The following UNC79 variants were observed in gnomAD, a reference collection of about 807,000 sequenced individuals.
The protein encoded by UNC79 is unc-79 subunit of NALCN channel complex.
A neutral mutation model predicts 283.1 loss-of-function variants in UNC79; 37 were observed. That is an observed-to-expected ratio of 0.13 (90% CI 0.10 to 0.17). The LOEUF (loss-of-function observed/expected upper bound fraction) is 0.17. UNC79 is among the 10% of genes least tolerant of loss of function. The pLI is 1.00. For missense variants in UNC79, 2,272 were observed against 3,211.1 expected (o/e 0.71, Z 7.07); for synonymous variants, 1,107 against 1,200.2 (o/e 0.92, Z 1.61).
At chr14:93,594,944 G>A (rs763885885) in intron 23 of UNC79, among the ~76,000 whole-genome samples, 9 of 151,960 alleles carry the variant, frequency 5.9e-5, no homozygotes, top group Non-Finnish European at 8.8e-5. Flanking sequence ...ACTTCAAAAC[G>A]TTCTTGCTTT....
At chr14:93,646,231 T>C (rs998003666) in intron 34 of UNC79, among the ~76,000 whole-genome samples, 2 of 152,218 alleles carry the variant, frequency 1.3e-5, no homozygotes, top group Non-Finnish European at 2.9e-5. Flanking sequence ...CACTTGTGGT[T>C]TGTTTATAGT....
At chr14:93,416,848 G>A (rs982836286) in intron 1 of UNC79, among the ~76,000 whole-genome samples, 6 of 152,098 alleles carry the variant, frequency 3.9e-5, no homozygotes, top group Admixed American at 3.9e-4. Context: ...TACAACCCCT[G>A]CCTTTTTTTG....
At chr14:93,584,591 T>A (rs750975618) in intron 20 of UNC79, among the ~76,000 whole-genome samples, 41 of 152,390 alleles carry the variant, frequency 2.7e-4, no homozygotes, top group Non-Finnish European at 5.4e-4. Context: ...ACTCTTTCTA[T>A]GCAAATATAT....
intron 7 of UNC79, among the ~76,000 whole-genome samples, chr14:93,522,955 G>A (rs976350905): frequency 2.0e-5 from 3 of 151,986 alleles, no homozygotes; most frequent in Admixed American, 6.6e-5. Flanking sequence ...AAATTAGCTC[G>A]GATCATTAAT....
At chr14:93,540,032 A>C (rs1185741924) in intron 12 of UNC79, among the ~76,000 whole-genome samples, 12 of 152,240 alleles carry the variant, frequency 7.9e-5, no homozygotes. Context: ...CAGATATCAA[A>C]TACCTTGGTT....
intron 1 of UNC79, among the ~76,000 whole-genome samples, chr14:93,359,860 T>C (rs1555399139): frequency 6.6e-6 from 1 of 152,226 alleles, no homozygotes; most frequent in Non-Finnish European, 1.5e-5. Context: ...CAATTTCTGC[T>C]GTTCATCTTT....
intron 1 of UNC79, among the ~76,000 whole-genome samples, chr14:93,433,862 A>G (rs1456030667): frequency 2.6e-5 from 4 of 152,168 alleles, no homozygotes; most frequent in Non-Finnish European, 2.9e-5. Flanking sequence ...AGATATGAAA[A>G]ATGATTTCTG....
exon 13 of UNC79, chr14:93,540,784 G>T (rs1236522049): frequency 6.2e-7 from 1 of 1,613,396 alleles, no homozygotes; most frequent in Non-Finnish European, 8.5e-7. Flanking sequence ...CAAGGACGAT[G>T]ATAAACACGA....
At position 93,621,653 on chromosome 14, in the gene UNC79, G is replaced by A. The variant is rs1466842023; in HGVS notation, c.4420G>A (p.Gly1474Ser). 5 of 1,592,782 alleles carry A rather than the reference G, an allele frequency of 3.1e-6. No individual in the cohort carries two copies. The highest frequency in any genetic ancestry group is 1.8e-5 in the Admixed American group (1 of 56,042). The change falls in exon 30 of 49, where the codon GGT becomes AGT. Residue 1474 changes from glycine (G) to serine (S), a missense_variant. Around this residue, in one of 11 missense-constraint regions of UNC79, gnomAD observed 580 missense variants for 632.2 expected, o/e 0.92. Coordinates refer to ENST00000555664, the Ensembl canonical transcript of UNC79. The surrounding 1 kb of genome is among the most constrained non-coding windows in gnomAD (Gnocchi z 4.8). ...AGAACTGGCTGAATATAGAGAGACG[G>A]GTGCATTACAAGACAGCCTTCTCCA...
chr14:93,543,543 T>C (rs2141215822), intron 14 of UNC79, among the ~76,000 whole-genome samples: 1 of 152,160 alleles, frequency 6.6e-6, no homozygotes, highest in Middle Eastern at 3.4e-3. Flanking sequence ...AAAAAAATTT[T>C]TTTGGTAGAG....
At chr14:93,572,848 A>G (rs920489809) in intron 16 of UNC79, 32 bp downstream of exon 16, 7 of 1,610,440 alleles carry the variant, frequency 4.3e-6, no homozygotes, top group Admixed American at 1.7e-5. Flanking sequence ...TCATTTTAGG[A>G]AATAGTTCTT....
In UNC79 at chr14:93,347,379, G is replaced by A. The variant is rs201840112; in HGVS notation, c.-351+13856G>A. 37 of 1,548,880 alleles carry A rather than the reference G, an allele frequency of 2.4e-5. No homozygotes were observed. The Middle Eastern group carries it at 7.8e-4, about 33-fold the overall frequency. On this transcript the variant is annotated intron_variant, in intron 1 of 49. Coordinates refer to the UNC79 transcript ENST00000256339. The stretch of plus-strand genomic sequence containing the variant: ...CCCACTCGGGGCCCCCGCGCCAGCG[G>A]CCCCTGTCTGCCGCGGTGAGTTGAG...
intron 1 of UNC79, among the ~76,000 whole-genome samples, chr14:93,387,343 A>T (rs2054798838): frequency 6.6e-6 from 1 of 150,744 alleles, no homozygotes. Context: ...GGTTTTTTTG[A>T]ATTTTTTTTT....
At chr14:93,349,203 G>A (rs565819375) in intron 1 of UNC79, among the ~76,000 whole-genome samples, 1 of 152,316 alleles carries the variant, frequency 6.6e-6, no homozygotes, top group East Asian at 1.9e-4. Context: ...CATTCTTGAA[G>A]TCAGCGGGAC....
intron 38 of UNC79, among the ~76,000 whole-genome samples, chr14:93,658,462 G>A (rs951057784): frequency 3.9e-5 from 6 of 152,174 alleles, no homozygotes; most frequent in Non-Finnish European, 8.8e-5. Context: ...TAGGTGCACA[G>A]CTGCAGAAAT....
At chr14:93,497,359 A>C in intron 7 of UNC79, 73 bp downstream of exon 7, 1 of 1,483,684 alleles carries the variant, frequency 6.7e-7, no homozygotes, top group Non-Finnish European at 8.9e-7. Flanking sequence ...CTACTTATAC[A>C]TACATTTTTA....
At chr14:93,532,721 T>G (rs1005021428) in intron 11 of UNC79, 143 bp downstream of exon 11, 1 of 980,152 alleles carries the variant, frequency 1.0e-6, no homozygotes, top group Admixed American at 2.5e-5. Flanking sequence ...AGGAAATAAT[T>G]TAGCATGCAA....
intron 7 of UNC79, among the ~76,000 whole-genome samples, chr14:93,514,819 T>C (rs1420928234): frequency 1.3e-5 from 2 of 152,194 alleles, no homozygotes; most frequent in Non-Finnish European, 2.9e-5. Flanking sequence ...GCTTTACTTT[T>C]TAAAAAAGAG....
intron 1 of UNC79, chr14:93,334,845 T>A (rs2053541963): frequency 6.6e-6 from 1 of 152,190 alleles, no homozygotes; most frequent in Non-Finnish European, 1.5e-5. Context: ...ATATAGTATA[T>A]GGGGGATGAC....
Sources: gnomAD v4.1 joint callset for allele counts (sites outside exome capture counted in the v4.1 genomes callset) on GRCh38, gnomAD v4.1.1 for gene constraint, gnomAD v4.1.1 regional missense constraint, Gnocchi (gnomAD v3.1) non-coding constraint, MANE v1.5 for transcripts, NCBI Gene and HGNC (gene_info 2026-07-23, HGNC 2026-07-21) for gene names.